The following ENY2 variants were observed in gnomAD, a reference collection of about 807,000 sequenced individuals.
ENY2 encodes the protein ENY2 transcription and export complex 2 subunit.
ENY2 carries 4 observed loss-of-function variants against 15.9 expected under a neutral mutation model. The ratio of observed to expected loss-of-function variants is 0.25; its 90% CI spans 0.12 to 0.57. The LOEUF is 0.57. ENY2 is among the 20% of genes least tolerant of loss of function. The pLI, the probability that ENY2 is intolerant of heterozygous loss-of-function variation, is 0.91. For synonymous variants in ENY2, 48 were observed against 38.0 expected, an observed-to-expected ratio of 1.26 and a Z score of -0.97; for missense variants, 54 against 117.2, an observed-to-expected ratio of 0.46 and a Z score of 2.49.
chr8:109,335,888 T>C (rs984338979), intron 1 of ENY2: 4 of 312,944 alleles, frequency 1.3e-5, no homozygotes, highest in Non-Finnish European at 1.7e-5. Flanking sequence ...TTAATATAAA[T>C]ATGTAACAAT....
At chr8:109,336,103 TC>T in intron 1 of ENY2, 24 bp from the exon 2 acceptor site, 1 of 1,610,066 alleles carries the variant, frequency 6.2e-7, no homozygotes, top group African/African-American at 1.3e-5. Flanking sequence ...ATGTTCTATA[TC>T]TGAAAGTACA....
chr8:109,339,528 CT>C (rs1350834030), intron 3 of ENY2, 138 bp downstream of exon 3: 22 of 679,282 alleles, frequency 3.2e-5, no homozygotes, highest in Non-Finnish European at 4.7e-5. Context: ...TAATGGTTTC[CT>C]CTTGGTGGCA....
At chr8:109,343,348 A>C in intron 4 of ENY2, 57 bp from the exon 5 acceptor site, 1 of 1,339,384 alleles carries the variant, frequency 7.5e-7, no homozygotes. Context: ...CAGATCTTAA[A>C]TTCTCATGTA....
chr8:109,339,456 C>A (rs1019267466), intron 3 of ENY2, 66 bp downstream of exon 3: 3 of 1,405,968 alleles, frequency 2.1e-6, no homozygotes, highest in Non-Finnish European at 1.0e-6. Flanking sequence ...TTGGGGGTTG[C>A]TTATTTTAAG....
chr8:109,336,273 CAAG>C (rs1815983368), intron 2 of ENY2, 69 bp downstream of exon 2: 3 of 1,272,248 alleles, frequency 2.4e-6, no homozygotes, highest in South Asian at 2.7e-5. Flanking sequence ...AGAATCTAAA[CAAG>C]AAATGAAACA....
At chr8:109,341,608 G>C (rs1001113404) in intron 4 of ENY2, among the ~76,000 whole-genome samples, 3 of 151,948 alleles carry the variant, frequency 2.0e-5, no homozygotes, top group Admixed American at 2.0e-4. Flanking sequence ...CTTCTCCTTC[G>C]ATACTTAAAA....
In ENY2 at chr8:109,334,466, G is replaced by T; in HGVS notation, c.-3G>T. 6.2e-7 allele frequency: 1 copy of T among 1,613,802 alleles called. No individual in the cohort carries two copies. The highest frequency in any genetic ancestry group is 8.5e-7 in the Non-Finnish European group (1 of 1,179,912). The stretch of plus-strand genomic sequence containing the variant: ...TGGGAAGGGACGGCCCTCGCCCGCG[G>T]TGATGGTGGTGAGCTATGCCCGTGG... On this transcript the variant is annotated 5_prime_UTR_variant, in exon 1 of 5. Transcript: ENST00000521688.
At chr8:109,334,585 T>C (rs991983336) in intron 1 of ENY2, 111 bp downstream of exon 1, 2 of 1,323,984 alleles carry the variant, frequency 1.5e-6, no homozygotes, top group Non-Finnish European at 2.0e-6. Context: ...CCTGTAGGGC[T>C]CTCCGACAGG....
chr8:109,335,647 C>G (rs917626373), intron 1 of ENY2: 1 of 152,610 alleles, frequency 6.6e-6, no homozygotes, highest in African/African-American at 2.4e-5. Flanking sequence ...AGGTGTGACC[C>G]ACTGTGCCCG....
chr8:109,340,442 A>G, intron 3 of ENY2, 47 bp from the exon 4 acceptor site: 2 of 1,605,076 alleles, frequency 1.2e-6, no homozygotes. Flanking sequence ...TCTTTCTTAC[A>G]GATAATGATT....
intron 1 of ENY2, 151 bp downstream of exon 1, chr8:109,334,625 TC>T: frequency 2.3e-6 from 2 of 878,742 alleles, no homozygotes; most frequent in Non-Finnish European, 3.3e-6. Context: ...CTGAAACCAG[TC>T]CTCGCTTTGT....
chr8:109,343,706 CT>C lies in ENY2; in HGVS notation c.*228del, dbSNP rs1248957462. Reference sequence around the variant, plus strand: ...GATTTTGAAATGAATGGGACTTTGTCTTTATTACTAATTCACCAAATTTGTT... The same window carrying C: ...GATTTTGAAATGAATGGGACTTTGTCTTATTACTAATTCACCAAATTTGTT... On this transcript the variant is annotated 3_prime_UTR_variant, in exon 5 of 5. Transcript: ENST00000521688. 1 of 453,826 alleles carries C rather than the reference CT, an allele frequency of 2.2e-6. No individual in the cohort carries two copies. Among genetic ancestry groups the C allele is most frequent in the African/African-American group, 2.0e-5 (1 of 49,004 alleles). 28.1% of individuals were successfully genotyped at this position (453,826 alleles called of 1,614,324 possible).
chr8:109,339,592 G>A (rs1189875216), intron 3 of ENY2: 2 of 465,704 alleles, frequency 4.3e-6, no homozygotes, highest in Admixed American at 3.9e-5. Context: ...TGTTAAGCGT[G>A]AGCACTTAAG....
rs2130210414 is a variant in ENY2 at position 109,344,549 on chromosome 8, C to T, written c.*1068C>T. The T allele has an allele frequency of 6.6e-6, 1 of 152,404 alleles. No individual in the cohort carries two copies. The highest frequency in any genetic ancestry group is 3.4e-3 in the Middle Eastern group (1 of 296). The allele number at this position is 152,404 out of a possible 1,614,324, so 9.4% of individuals were successfully genotyped here. On this transcript the variant is annotated 3_prime_UTR_variant, in exon 5 of 5. Transcript: ENST00000521688. Reference sequence around the variant, plus strand: ...TATCCTCACTTCAAACTGACCTTACCTAAAATAATGACTTTTTCCCCCAAT... The same window carrying T: ...TATCCTCACTTCAAACTGACCTTACTTAAAATAATGACTTTTTCCCCCAAT...
chr8:109,337,508 CAG>C (rs1816011899), intron 2 of ENY2, among the ~76,000 whole-genome samples: 1 of 151,830 alleles, frequency 6.6e-6, no homozygotes, highest in Non-Finnish European at 1.5e-5. Flanking sequence ...TGGGAGGAGA[CAG>C]ATAAAACTGT....
chr8:109,341,365 T>C (rs1044325958), intron 4 of ENY2, among the ~76,000 whole-genome samples: 1 of 152,110 alleles, frequency 6.6e-6, no homozygotes, highest in African/African-American at 2.4e-5. Context: ...GGGAATAAGC[T>C]ATAGAATCCC....
chr8:109,340,605 A>C, intron 4 of ENY2, 42 bp downstream of exon 4: 1 of 1,601,784 alleles, frequency 6.2e-7, no homozygotes, highest in Non-Finnish European at 8.5e-7. Flanking sequence ...TGCTGCAGAC[A>C]TGATTTTTTT....
chr8:109,336,225 A>C, intron 2 of ENY2, 21 bp downstream of exon 2: 1 of 1,590,922 alleles, frequency 6.3e-7, no homozygotes, highest in African/African-American at 1.3e-5. Flanking sequence ...GATTGTGTTA[A>C]TAAATTACAT....
At chr8:109,343,348 A>G in intron 4 of ENY2, 57 bp from the exon 5 acceptor site, 1 of 1,339,384 alleles carries the variant, frequency 7.5e-7, no homozygotes, top group Non-Finnish European at 1.0e-6. Context: ...CAGATCTTAA[A>G]TTCTCATGTA....
Sources: allele counts gnomAD v4.1 joint callset (sites outside exome capture counted in the v4.1 genomes callset), GRCh38; gene constraint gnomAD v4.1.1; transcripts MANE v1.5; gene names NCBI Gene and HGNC (gene_info 2026-07-23, HGNC 2026-07-21).